Variants in LMBRD1 observed in about 807,000 individuals in gnomAD.
LMBRD1 encodes lysosomal cobalamin transport escort protein LMBD1.
LMBRD1 carries 64 observed loss-of-function variants against 74.8 expected under a neutral mutation model. The observed-to-expected ratio is 0.86, with a 90% confidence interval of 0.70 to 1.05. LMBRD1 has a LOEUF of 1.05. LMBRD1 is among the 50% of genes least tolerant of loss of function. LMBRD1 has a pLI of 0.00. For synonymous variants in LMBRD1, 204 were observed against 216.3 expected (o/e 0.94, Z 0.50); for missense variants, 652 against 645.9 (o/e 1.01, Z -0.10).
intron 3 of LMBRD1, among the ~76,000 whole-genome samples, chr6:69,777,679 T>C (rs1269643299): frequency 8.7e-6 from 1 of 114,720 alleles, no homozygotes; most frequent in Non-Finnish European, 2.0e-5. Flanking sequence ...AGGTAGAAAA[T>C]ACAAAAAAAA....
At chr6:69,721,807 G>A (rs777764241) in intron 7 of LMBRD1, among the ~76,000 whole-genome samples, 1 of 152,196 alleles carries the variant, frequency 6.6e-6, no homozygotes, top group South Asian at 2.1e-4. Context: ...TTTTAGACAT[G>A]CCCTGTCCAG....
At chr6:69,677,021 A>G (rs926306829) in intron 14 of LMBRD1, among the ~76,000 whole-genome samples, 1 of 152,166 alleles carries the variant, frequency 6.6e-6, no homozygotes, top group Non-Finnish European at 1.5e-5. Flanking sequence ...CACTCCTATA[A>G]CAGAAGACAG....
At chr6:69,777,295 T>C (rs891868991) in intron 3 of LMBRD1, among the ~76,000 whole-genome samples, 2 of 151,466 alleles carry the variant, frequency 1.3e-5, no homozygotes, top group African/African-American at 4.9e-5. Flanking sequence ...CTACTAAAAA[T>C]ACAAAAAATT....
At chr6:69,758,082 T>A (rs1321476285) in intron 3 of LMBRD1, among the ~76,000 whole-genome samples, 2 of 152,316 alleles carry the variant, frequency 1.3e-5, no homozygotes, top group Non-Finnish European at 2.9e-5. Flanking sequence ...CTAAGATGTT[T>A]AAACATATAC....
At chr6:69,689,935 G>T (rs903830653) in intron 14 of LMBRD1, among the ~76,000 whole-genome samples, 7 of 152,036 alleles carry the variant, frequency 4.6e-5, no homozygotes, top group African/African-American at 1.2e-4. Flanking sequence ...TGGGGGATTG[G>T]TTCCAGGAAT....
intron 8 of LMBRD1, among the ~76,000 whole-genome samples, chr6:69,714,997 G>T (rs1362057962): frequency 2.0e-5 from 3 of 152,082 alleles, no homozygotes; most frequent in African/African-American, 7.2e-5. Context: ...AGATGCAGAT[G>T]CTACTAGTCC....
chr6:69,723,241 T>C (rs1448461133), intron 7 of LMBRD1, among the ~76,000 whole-genome samples: 2 of 152,108 alleles, frequency 1.3e-5, no homozygotes, highest in Non-Finnish European at 2.9e-5. Flanking sequence ...AACACCCCAA[T>C]TTCAGTACTG....
chr6:69,770,782 C>T (rs1765560749), intron 3 of LMBRD1, among the ~76,000 whole-genome samples: 1 of 151,856 alleles, frequency 6.6e-6, no homozygotes, highest in South Asian at 2.1e-4. Flanking sequence ...ATAAACATAA[C>T]TAAAACTATA....
chr6:69,786,767 A>C (rs1046128944), intron 2 of LMBRD1, among the ~76,000 whole-genome samples: 1 of 152,216 alleles, frequency 6.6e-6, no homozygotes, highest in Non-Finnish European at 1.5e-5. Context: ...AAGGGTAACT[A>C]AAACAAAAAT....
At chr6:69,780,454 T>A (rs1423300187) in intron 3 of LMBRD1, 40 bp downstream of exon 3, 2 of 1,442,464 alleles carry the variant, frequency 1.4e-6, no homozygotes, top group South Asian at 2.3e-5. Flanking sequence ...AGTATTTTGG[T>A]TAGCAGTCCA....
chr6:69,779,917 C>A (rs1765790534), intron 3 of LMBRD1, among the ~76,000 whole-genome samples: 1 of 152,126 alleles, frequency 6.6e-6, no homozygotes, highest in Non-Finnish European at 1.5e-5. Context: ...TAAAGCATCT[C>A]CAGAAAAGTT....
intron 14 of LMBRD1, among the ~76,000 whole-genome samples, chr6:69,686,365 A>C (rs139452311): frequency 3.0e-4 from 45 of 152,302 alleles, no homozygotes; most frequent in African/African-American, 1.0e-3. Context: ...GCTTTCATCC[A>C]TAATGTTCAA....
At position 69,796,803 on chromosome 6, in the gene LMBRD1, C is replaced by A. The variant is rs375763446; in HGVS notation, c.69+10G>T. 7.4e-6 allele frequency: 12 copies of A among 1,613,192 alleles called. No homozygotes were observed. Among genetic ancestry groups the A allele is most frequent in the Non-Finnish European group, 9.3e-6 (11 of 1,179,626 alleles). ...CCAAACATGGGGAAAACTCCAAGCG[C>A]CTCCCCTACCAGTAGTAAGAGGCCG... is the stretch of plus-strand genomic sequence containing the variant. On this transcript the variant is annotated intron_variant, in intron 1 of 15. Transcript: ENST00000649934.
chr6:69,740,107 A>G (rs1427978726), intron 6 of LMBRD1, among the ~76,000 whole-genome samples: 1 of 151,774 alleles, frequency 6.6e-6, no homozygotes, highest in Non-Finnish European at 1.5e-5. Context: ...CTCCGTCTCA[A>G]TCAATCAATC....
At chr6:69,789,255 G>A (rs1236161545) in intron 2 of LMBRD1, among the ~76,000 whole-genome samples, 1 of 152,178 alleles carries the variant, frequency 6.6e-6, no homozygotes, top group Non-Finnish European at 1.5e-5. Context: ...CAGGGATCGT[G>A]GCTCATGCCT....
intron 9 of LMBRD1, among the ~76,000 whole-genome samples, 191 bp downstream of exon 9, chr6:69,713,454 T>C (rs1766425332): frequency 6.6e-6 from 1 of 152,126 alleles, no homozygotes; most frequent in Non-Finnish European, 1.5e-5. Context: ...ATTGTTGTAA[T>C]ACATTGCTCA....
At chr6:69,776,218 A>G (rs1765697558) in intron 3 of LMBRD1, among the ~76,000 whole-genome samples, 1 of 152,244 alleles carries the variant, frequency 6.6e-6, no homozygotes, top group South Asian at 2.1e-4. Context: ...GGGCCAATAG[A>G]TTTCAATGTC....
rs566180839 is a variant in LMBRD1 at position 69,728,992 on chromosome 6, A to ATT, written c.636+8948_636+8949dup. On this transcript the variant is annotated intron_variant, in intron 7 of 15. Coordinates refer to ENST00000649934, the MANE Select transcript of LMBRD1 (RefSeq NM_018368.4). ...AATTGTTTTAAAAAGTTGTTTTGCT[A>ATT]TTTTTTTTTTATGAAAGGTACAATT... 6.7e-5 allele frequency among the ~76,000 whole-genome samples: 10 copies of ATT among 148,490 alleles called. No homozygotes were observed. The South Asian group carries it at 1.3e-3, about 19-fold the overall frequency.
chr6:69,778,019 GGTC>G (rs1765743153), intron 3 of LMBRD1, among the ~76,000 whole-genome samples: 1 of 152,224 alleles, frequency 6.6e-6, no homozygotes. Flanking sequence ...CCTAGCTGTA[GGTC>G]ACCTCTGGGT....
Sources: gnomAD v4.1 joint callset for allele counts (sites outside exome capture counted in the v4.1 genomes callset) on GRCh38, gnomAD v4.1.1 for gene constraint, MANE v1.5 for transcripts, NCBI Gene and HGNC (gene_info 2026-07-23, HGNC 2026-07-21) for gene names.